BRINP3: variants seen among roughly 807,000 people sequenced by gnomAD.
BRINP3 encodes the protein BMP/retinoic acid-inducible neural-specific protein 3.
BRINP3 carries 19 observed loss-of-function variants against 71.0 expected under a neutral mutation model. The ratio of observed to expected loss-of-function variants is 0.27; its 90% CI spans 0.19 to 0.39. BRINP3 has a LOEUF of 0.39. Ranked by LOEUF, BRINP3 falls within the 10% of genes least tolerant of loss-of-function variation. The pLI, the probability that BRINP3 is intolerant of heterozygous loss-of-function variation, is 1.00. For missense variants in BRINP3, 959 were observed against 940.8 expected (o/e 1.02, Z -0.25); for synonymous variants, 380 against 337.7 (o/e 1.13, Z -1.37).
At chr1:190,105,898 C>A (rs552351608) in intron 7 of BRINP3, among the ~76,000 whole-genome samples, 1 of 151,828 alleles carries the variant, frequency 6.6e-6, no homozygotes, top group African/African-American at 2.4e-5. Context: ...CAAAGATAAA[C>A]ACAATTACTT....
intron 7 of BRINP3, among the ~76,000 whole-genome samples, chr1:190,122,680 G>T (rs1653772895): frequency 6.6e-6 from 1 of 152,066 alleles, no homozygotes; most frequent in South Asian, 2.1e-4. Context: ...GTATACATAT[G>T]TAACAAACCT....
intron 2 of BRINP3, among the ~76,000 whole-genome samples, chr1:190,417,660 G>T (rs990590374): frequency 6.6e-6 from 1 of 152,040 alleles, no homozygotes; most frequent in African/African-American, 2.4e-5. Context: ...CATCTCTAAA[G>T]TTAAAATAGA....
chr1:190,194,982 A>G (rs1188342277), intron 6 of BRINP3, among the ~76,000 whole-genome samples: 1 of 152,088 alleles, frequency 6.6e-6, no homozygotes, highest in Non-Finnish European at 1.5e-5. Context: ...GTTACTTGGA[A>G]CTTTAGAAAA....
intron 7 of BRINP3, among the ~76,000 whole-genome samples, chr1:190,143,521 A>C (rs992773926): frequency 1.1e-4 from 16 of 152,178 alleles, no homozygotes; most frequent in African/African-American, 3.9e-4. Context: ...TGGAAATAAT[A>C]ATAGAATGTT....
chr1:190,106,828 T>A (rs979858461), intron 7 of BRINP3, among the ~76,000 whole-genome samples: 11 of 151,848 alleles, frequency 7.2e-5, no homozygotes, highest in African/African-American at 2.7e-4. Context: ...CAATTTCCCA[T>A]TAGTTTAAAG....
At chr1:190,139,161 A>C (rs1016861503) in intron 7 of BRINP3, among the ~76,000 whole-genome samples, 2 of 151,712 alleles carry the variant, frequency 1.3e-5, no homozygotes, top group Non-Finnish European at 2.9e-5. Flanking sequence ...AAAAAAAAAA[A>C]TGATCGGCCC....
chr1:190,348,706 C>T (rs577290576), intron 2 of BRINP3, among the ~76,000 whole-genome samples: 78 of 152,224 alleles, frequency 5.1e-4, no homozygotes, highest in African/African-American at 1.8e-3. Context: ...CACAGGTGTA[C>T]TATTAAATTG....
chr1:190,127,361 T>G (rs1046976493), intron 7 of BRINP3, among the ~76,000 whole-genome samples: 2 of 151,884 alleles, frequency 1.3e-5, no homozygotes, highest in Non-Finnish European at 2.9e-5. Flanking sequence ...GTATTTATAG[T>G]TATTCATTTA....
intron 1 of BRINP3, among the ~76,000 whole-genome samples, chr1:190,460,622 T>C (rs1676326479): frequency 6.6e-6 from 1 of 152,194 alleles, no homozygotes; most frequent in South Asian, 2.1e-4. Flanking sequence ...TTAATAAAGA[T>C]AGTGCTTCTA....
chr1:190,224,070 G>A (rs1486293006), intron 6 of BRINP3, among the ~76,000 whole-genome samples: 1 of 151,624 alleles, frequency 6.6e-6, no homozygotes, highest in African/African-American at 2.4e-5. Flanking sequence ...TACTACTAAA[G>A]CAATTTACGG....
chr1:190,189,852 T>C (rs1653880460), intron 6 of BRINP3, among the ~76,000 whole-genome samples: 1 of 152,202 alleles, frequency 6.6e-6, no homozygotes, highest in Admixed American at 6.5e-5. Flanking sequence ...TGTGTTATTG[T>C]AAGATACAGG....
chr1:190,343,386 T>A (rs942161899), intron 2 of BRINP3, among the ~76,000 whole-genome samples: 1 of 151,716 alleles, frequency 6.6e-6, no homozygotes, highest in Non-Finnish European at 1.5e-5. Flanking sequence ...CAAAACCAAA[T>A]TAGCCTGATT....
At chr1:190,182,862 G>A (rs917713652) in intron 6 of BRINP3, among the ~76,000 whole-genome samples, 5 of 152,044 alleles carry the variant, frequency 3.3e-5, no homozygotes, top group South Asian at 2.1e-4. Context: ...AATCAATTAC[G>A]CCTTTGTGAG....
At chr1:190,244,490 C>T (rs1456544379) in intron 4 of BRINP3, among the ~76,000 whole-genome samples, 1 of 151,998 alleles carries the variant, frequency 6.6e-6, no homozygotes, top group Non-Finnish European at 1.5e-5. Context: ...CTTTCTTTGA[C>T]AGAGTAACTA....
chr1:190,365,182 C>T (rs774503748), intron 2 of BRINP3, among the ~76,000 whole-genome samples: 3 of 152,032 alleles, frequency 2.0e-5, no homozygotes, highest in Admixed American at 6.6e-5. Flanking sequence ...CAGAATCCTG[C>T]CTGACTCCTG....
chr1:190,457,453 C>CAAAAAT (rs1676073762), intron 1 of BRINP3, among the ~76,000 whole-genome samples: 1 of 72,586 alleles, frequency 1.4e-5, no homozygotes, highest in Non-Finnish European at 3.1e-5. Flanking sequence ...CAAAAAAACA[C>CAAAAAT]AAAAACAAAA....
chr1:190,099,037 A>G lies in BRINP3; in HGVS notation c.1282T>C (p.Cys428Arg). 6.2e-7 allele frequency: 1 copy of G among 1,614,168 alleles called. No homozygotes were observed. Residue 428 changes from cysteine to arginine, a missense_variant, in exon 8 of 8, where the codon TGT becomes CGT. By Grantham distance (180) the Cys-to-Arg change is radical (BLOSUM62 -3). Transcript: ENST00000367462. Reference sequence around the variant, plus strand: ...GTGCAGACCACCTGGTCATTCGGACACGTGCACGAGTGCGTCTCTTCTGAA... The same window carrying G: ...GTGCAGACCACCTGGTCATTCGGACGCGTGCACGAGTGCGTCTCTTCTGAA... ...SFSEETHSCT[C>R]PNDQVVCTAF...
intron 2 of BRINP3, among the ~76,000 whole-genome samples, chr1:190,426,095 G>A (rs1484187574): frequency 6.6e-6 from 1 of 151,658 alleles, no homozygotes; most frequent in African/African-American, 2.4e-5. Context: ...TAAAATCTGA[G>A]GATTGTAAAA....
At chr1:190,314,366 T>A (rs777144370) in intron 2 of BRINP3, among the ~76,000 whole-genome samples, 1 of 152,100 alleles carries the variant, frequency 6.6e-6, no homozygotes, top group African/African-American at 2.4e-5. Flanking sequence ...TGTCTTGGGT[T>A]ACGGGACAAA....
Sources: allele counts gnomAD v4.1 joint callset (sites outside exome capture counted in the v4.1 genomes callset), GRCh38; gene constraint gnomAD v4.1.1; transcripts MANE v1.5; gene names NCBI Gene and HGNC (gene_info 2026-07-23, HGNC 2026-07-21).